Variants in CACNG3 observed in about 807,000 individuals in gnomAD.
The protein encoded by CACNG3 is voltage-dependent calcium channel gamma-3 subunit.
Under a neutral mutation model 28.5 loss-of-function variants are expected in CACNG3, and 3 were observed. That is an observed-to-expected ratio of 0.11 (90% confidence interval 0.05 to 0.27). The LOEUF (loss-of-function observed/expected upper bound fraction) is 0.27. CACNG3 is among the 10% of genes least tolerant of loss of function. The pLI, the probability that CACNG3 is intolerant of heterozygous loss-of-function variation, is 1.00. For synonymous variants in CACNG3, 174 were observed against 162.2 expected (o/e 1.07, Z -0.55); for missense variants, 236 against 414.4 (o/e 0.57, Z 3.74).
intron 1 of CACNG3, among the ~76,000 whole-genome samples, chr16:24,293,209 C>A (rs1450670696): frequency 6.6e-6 from 1 of 152,218 alleles, no homozygotes; most frequent in Non-Finnish European, 1.5e-5. Flanking sequence ...AGAAGCTTAG[C>A]TCTAGTCTCA....
intron 1 of CACNG3, among the ~76,000 whole-genome samples, chr16:24,258,129 T>C (rs1898492807): frequency 6.6e-6 from 1 of 152,182 alleles, no homozygotes; most frequent in African/African-American, 2.4e-5. Context: ...TCACACTGCA[T>C]TTTCACTGGC....
chr16:24,361,774 G>A lies in CACNG3; in HGVS notation c.859G>A (p.Ala287Thr), dbSNP rs1900105202. 7 of 1,613,986 alleles carry A rather than the reference G, an allele frequency of 4.3e-6. No homozygotes were observed. The highest frequency in any genetic ancestry group is 3.3e-5 in the South Asian group (3 of 91,062). ...GTLLNSDRDH[A>T]FLQFHNSTPK... ...CCTCCTCAACTCCGACCGGGACCAC[G>A]CTTTTCTACAGTTCCACAATTCCAC... The change falls in exon 4 of 4, where the codon GCT becomes ACT. Residue 287 changes from alanine to threonine, a missense_variant. Physicochemically the swap from Ala to Thr is moderately conservative, Grantham distance 58. This residue lies in a region of CACNG3 where 116 missense variants were observed against 151.0 expected (regional missense o/e 0.77). Coordinates refer to ENST00000005284, the MANE Select transcript of CACNG3 (RefSeq NM_006539.4). The surrounding 1 kb of genome is among the most constrained non-coding windows in gnomAD (Gnocchi z 6.8).
At chr16:24,343,157 C>T (rs1486899159) in intron 1 of CACNG3, among the ~76,000 whole-genome samples, 1 of 152,054 alleles carries the variant, frequency 6.6e-6, no homozygotes, top group African/African-American at 2.4e-5. Context: ...CCATTGCACT[C>T]CAGCCTGGGT....
intron 1 of CACNG3, among the ~76,000 whole-genome samples, chr16:24,325,383 C>T (rs1320152670): frequency 1.3e-5 from 2 of 152,196 alleles, no homozygotes; most frequent in Non-Finnish European, 2.9e-5. Context: ...TAACATTCAG[C>T]AGAGTCACCC....
chr16:24,267,626 C>T (rs1898631455), intron 1 of CACNG3, among the ~76,000 whole-genome samples: 1 of 151,784 alleles, frequency 6.6e-6, no homozygotes, highest in African/African-American at 2.4e-5. Context: ...TAACAAACAC[C>T]TTCTATGTGC....
chr16:24,269,841 C>T (rs1898664022), intron 1 of CACNG3, among the ~76,000 whole-genome samples: 1 of 148,742 alleles, frequency 6.7e-6, no homozygotes, highest in Middle Eastern at 3.6e-3. Flanking sequence ...AAAAGAAAAT[C>T]TGTGTTATTT....
intron 1 of CACNG3, among the ~76,000 whole-genome samples, chr16:24,317,700 GAAAGA>G (rs1309350278): frequency 1.7e-4 from 19 of 109,924 alleles, no homozygotes; most frequent in Non-Finnish European, 1.9e-4. Context: ...AAGAAAGAAA[GAAAGA>G]AAGAAAGAAA....
chr16:24,309,113 C>T (rs894591851), intron 1 of CACNG3, among the ~76,000 whole-genome samples: 1 of 152,144 alleles, frequency 6.6e-6, no homozygotes, highest in Non-Finnish European at 1.5e-5. Context: ...TGAGTGCAGG[C>T]ACTTAACCAT....
Position 24,357,490 on chromosome 16 carries a change from C to T in CACNG3, c.436+2517C>T, listed in dbSNP as rs145613605. Among the ~76,000 whole-genome samples the T allele has an allele frequency of 1.1e-3, 174 of 152,192 alleles. 1 individual carries two copies. Among genetic ancestry groups the T allele is most frequent in the African/African-American group, 4.0e-3 (167 of 41,532 alleles). On this transcript the variant is annotated intron_variant, in intron 3 of 3. Coordinates refer to ENST00000005284, the MANE Select transcript of CACNG3 (RefSeq NM_006539.4). ...ACCACACAGTTCCAAAATCTGGAGC[C>T]CCACAAGATCTTGCTCGAATTCCTT...
chr16:24,327,422 ATG>A (rs376287990), intron 1 of CACNG3, among the ~76,000 whole-genome samples: 15 of 101,762 alleles, frequency 1.5e-4, no homozygotes, highest in East Asian at 7.2e-4. Context: ...GAATATATAT[ATG>A]TGTGTGTGTG....
At chr16:24,332,298 A>T (rs1899641545) in intron 1 of CACNG3, among the ~76,000 whole-genome samples, 1 of 152,120 alleles carries the variant, frequency 6.6e-6, no homozygotes, top group Non-Finnish European at 1.5e-5. Context: ...CCATCTCTAC[A>T]AAAGTAAAAT....
intron 1 of CACNG3, among the ~76,000 whole-genome samples, chr16:24,328,640 G>GT (rs1157506395): frequency 6.6e-6 from 1 of 151,966 alleles, no homozygotes; most frequent in Non-Finnish European, 1.5e-5. Flanking sequence ...ACGGATCATC[G>GT]TAAGCTTAGC....
intron 1 of CACNG3, among the ~76,000 whole-genome samples, chr16:24,335,876 A>G (rs977725685): frequency 6.6e-6 from 1 of 152,228 alleles, no homozygotes; most frequent in South Asian, 2.1e-4. Flanking sequence ...GGAGTTGGAG[A>G]CCAGCCTAGC....
At chr16:24,351,715 A>AGGAG (rs1462450381) in intron 2 of CACNG3, among the ~76,000 whole-genome samples, 22 of 119,538 alleles carry the variant, frequency 1.8e-4, no homozygotes, top group Non-Finnish European at 3.5e-4. Context: ...AAAGAAAGAA[A>AGGAG]GGAGGGAGGG....
chr16:24,275,466 T>C (rs960104182), intron 1 of CACNG3, among the ~76,000 whole-genome samples: 1 of 152,232 alleles, frequency 6.6e-6, no homozygotes, highest in African/African-American at 2.4e-5. Context: ...ATGAGAACTA[T>C]GCATTGAGTA....
intron 1 of CACNG3, among the ~76,000 whole-genome samples, chr16:24,285,754 A>G (rs1355847942): frequency 1.3e-5 from 2 of 151,806 alleles, no homozygotes; most frequent in East Asian, 3.9e-4. Flanking sequence ...ATATAATTAA[A>G]TCACACTGTC....
chr16:24,314,615 A>AT (rs1899321419), intron 1 of CACNG3, among the ~76,000 whole-genome samples: 1 of 152,178 alleles, frequency 6.6e-6, no homozygotes, highest in African/African-American at 2.4e-5. Flanking sequence ...AATGTTCTGC[A>AT]TGTGTGGGTT....
chr16:24,326,376 G>C (rs1180288191), intron 1 of CACNG3, among the ~76,000 whole-genome samples: 2 of 152,062 alleles, frequency 1.3e-5, no homozygotes, highest in African/African-American at 4.8e-5. Flanking sequence ...TCTCCATGTT[G>C]GTCAGGATGG....
intron 1 of CACNG3, among the ~76,000 whole-genome samples, chr16:24,330,596 G>A (rs1241758025): frequency 6.6e-6 from 1 of 152,224 alleles, no homozygotes; most frequent in African/African-American, 2.4e-5. Flanking sequence ...GCATTGTGTA[G>A]GTAGGTGCCC....
Sources: allele counts gnomAD v4.1 joint callset (sites outside exome capture counted in the v4.1 genomes callset), GRCh38; gene constraint gnomAD v4.1.1; regional missense constraint gnomAD v4.1.1; non-coding constraint Gnocchi (gnomAD v3.1); transcripts MANE v1.5; gene names NCBI Gene and HGNC (gene_info 2026-07-23, HGNC 2026-07-21).